Variants in NHSL1 observed in about 807,000 individuals in gnomAD.
NHSL1 encodes NHS like 1.
In NHSL1, 48 loss-of-function variants were observed where a neutral mutation model predicts 95.0. That is an observed-to-expected ratio of 0.51 (90% CI 0.40 to 0.64). The LOEUF is 0.64. NHSL1 is among the 30% of genes least tolerant of loss of function. The pLI is 0.00. For missense variants in NHSL1, 1,971 were observed against 2,077.7 expected (o/e 0.95, Z 1.00); for synonymous variants, 783 against 833.9 (o/e 0.94, Z 1.05).
chr6:138,668,091 G>C (rs1015573717), intron 1 of NHSL1, among the ~76,000 whole-genome samples: 2 of 152,108 alleles, frequency 1.3e-5, no homozygotes, highest in African/African-American at 4.8e-5. Flanking sequence ...AACCAGCATG[G>C]GCAGCCCCTC....
In NHSL1 at chr6:138,447,108, T is replaced by C; in HGVS notation, c.425A>G (p.Asn142Ser). Reference protein sequence around the residue: ...TPASSDFSDLNTQTNWTKSLP... With the variant: ...TPASSDFSDLSTQTNWTKSLP... Reference sequence around the variant, plus strand: ...CGACTTGGTCCAGTTCGTCTGAGTATTAAGGTCGGAGAAGTCACTTGAGGC... The same window carrying C: ...CGACTTGGTCCAGTTCGTCTGAGTACTAAGGTCGGAGAAGTCACTTGAGGC... The change falls in exon 4 of 8, where the codon AAT becomes AGT. Residue 142 changes from asparagine to serine, a missense_variant. Around this residue, in one of 3 missense-constraint regions of NHSL1, gnomAD observed 1,602 missense variants for 1,654.5 expected, o/e 0.97. Transcript: ENST00000343505. The C allele has an allele frequency of 1.3e-6, 2 of 1,551,794 alleles. No homozygotes were observed. The highest frequency in any genetic ancestry group is 1.7e-6 in the Non-Finnish European group (2 of 1,147,010).
rs759191204 is a variant in NHSL1, at chr6:138,636,488, A to C, written c.96+55988T>G. ...AAGAAGTCAAATTCTCCTTGTTTGCAGATTATAGAATCTTATATTCAGAAA... is the reference window on the plus strand; with the variant it reads ...AAGAAGTCAAATTCTCCTTGTTTGCCGATTATAGAATCTTATATTCAGAAA... On this transcript the variant is annotated intron_variant, in intron 1 of 3. Coordinates refer to the NHSL1 transcript ENST00000491526. 5.9e-5 allele frequency among the ~76,000 whole-genome samples: 9 copies of C among 152,336 alleles called. 1 individual carries two copies. The highest frequency in any genetic ancestry group is 3.4e-3 in the Middle Eastern group (1 of 294).
At chr6:138,453,642 G>A (rs1466254253) in intron 3 of NHSL1, among the ~76,000 whole-genome samples, 1 of 152,068 alleles carries the variant, frequency 6.6e-6, no homozygotes, top group African/African-American at 2.4e-5. Flanking sequence ...AAACTCCTGG[G>A]TTCAAGCGAT....
intron 1 of NHSL1, among the ~76,000 whole-genome samples, chr6:138,621,484 T>TC (rs397713762): frequency 6.6e-4 from 98 of 148,714 alleles, no homozygotes; most frequent in Middle Eastern, 3.5e-3. Context: ...TTTTTTTTTT[T>TC]CCCCCCAAGA....
rs1775157003 is a variant in NHSL1 at position 138,424,866 on chromosome 6, G to C, written c.4086-50C>G. 1 of 1,457,738 alleles carries C rather than the reference G, an allele frequency of 6.9e-7. No homozygotes were observed. The highest frequency in any genetic ancestry group is 2.1e-5 in the Admixed American group (1 of 47,410). The allele number at this position is 1,457,738 out of a possible 1,614,324, so 90.3% of individuals were successfully genotyped here. A position where few individuals can be genotyped will look rare whatever the true frequency, so the allele number is the denominator to read the frequency against. ...AAGGTTAATTCCCACGGGACCACAGGCTGTCAGCCACAACCACTCTGCTCT... is the reference window on the plus strand; with the variant it reads ...AAGGTTAATTCCCACGGGACCACAGCCTGTCAGCCACAACCACTCTGCTCT... On this transcript the variant is annotated intron_variant, in intron 7 of 7. Coordinates refer to ENST00000343505, the MANE Select transcript of NHSL1 (RefSeq NM_001144060.2). This position sits in a 1 kb window ranked among gnomAD's most constrained non-coding sequence, Gnocchi z 5.9.
In NHSL1 at chr6:138,437,375, C is replaced by CATAT. The variant is rs377602478; in HGVS notation, c.665-3699_665-3696dup. Among the ~76,000 whole-genome samples the CATAT allele has an allele frequency of 1.9e-4, 7 of 36,194 alleles. 1 individual carries two copies. Among genetic ancestry groups the CATAT allele is most frequent in the East Asian group, 1.4e-3 (1 of 736 alleles). The allele number at this position is 36,194 out of a possible 152,430, so 23.7% of individuals were successfully genotyped here. A position where few individuals can be genotyped will look rare whatever the true frequency, so the allele number is the denominator to read the frequency against. On this transcript the variant is annotated intron_variant, in intron 5 of 7. Coordinates refer to ENST00000343505, the MANE Select transcript of NHSL1 (RefSeq NM_001144060.2). The stretch of plus-strand genomic sequence containing the variant: ...ATATATACACATATATATATATACA[C>CATAT]ATATATATATACACATATATATATA...
Position 138,437,452 on chromosome 6 carries a change from A to C in NHSL1, c.665-3772T>G, listed in dbSNP as rs1170336025. Among the ~76,000 whole-genome samples the C allele has an allele frequency of 6.1e-3, 824 of 135,984 alleles. 43 individuals are homozygous for C. The highest frequency in any genetic ancestry group is 0.024 in the African/African-American group (778 of 31,814). 89.2% of individuals were successfully genotyped at this position (135,984 alleles called of 152,430 possible). A position where few individuals can be genotyped will look rare whatever the true frequency, so the allele number is the denominator to read the frequency against. ...CACACACACACACACACACAAAAAA[A>C]AAAAAAAAAAATACAATGCACCTAG... On this transcript the variant is annotated intron_variant, in intron 5 of 7. Transcript: ENST00000343505.
intron 1 of NHSL1, among the ~76,000 whole-genome samples, chr6:138,605,208 C>G (rs1784417387): frequency 1.3e-5 from 2 of 152,022 alleles, no homozygotes; most frequent in African/African-American, 4.8e-5. Flanking sequence ...CCATTTTTCG[C>G]ATGTACTCAT....
intron 1 of NHSL1, among the ~76,000 whole-genome samples, chr6:138,684,611 T>C (rs11154993): frequency 0.47 from 71,596 of 151,518 alleles, 18,531 homozygotes; most frequent in African/African-American, 0.67. Context: ...CGCCACTGCA[T>C]TCTAGCCTGG....
At chr6:138,490,982 T>C (rs1220275361) in intron 2 of NHSL1, among the ~76,000 whole-genome samples, 1 of 152,238 alleles carries the variant, frequency 6.6e-6, no homozygotes, top group Non-Finnish European at 1.5e-5. Flanking sequence ...CCATTGTTTT[T>C]AATCACTTGC....
intron 1 of NHSL1, among the ~76,000 whole-genome samples, chr6:138,507,647 AC>A (rs1781027553): frequency 6.6e-6 from 1 of 152,262 alleles, no homozygotes; most frequent in Non-Finnish European, 1.5e-5. Flanking sequence ...CAGAATGAAA[AC>A]AGGAATCTGA....
intron 1 of NHSL1, among the ~76,000 whole-genome samples, chr6:138,644,529 G>C (rs1297529154): frequency 1.3e-5 from 2 of 152,086 alleles, no homozygotes; most frequent in African/African-American, 4.8e-5. Flanking sequence ...AATTTCTTCT[G>C]AAGTATCACA....
chr6:138,461,761 T>C (rs1778011453), intron 3 of NHSL1, among the ~76,000 whole-genome samples: 2 of 152,078 alleles, frequency 1.3e-5, no homozygotes, highest in African/African-American at 4.8e-5. Flanking sequence ...AACAATGTGG[T>C]AGAAATTTGA....
intron 1 of NHSL1, among the ~76,000 whole-genome samples, chr6:138,578,444 T>A (rs913780811): frequency 6.6e-6 from 1 of 152,062 alleles, no homozygotes; most frequent in East Asian, 1.9e-4. Flanking sequence ...AAATGCAACA[T>A]CTGTACCAAC....
intron 1 of NHSL1, among the ~76,000 whole-genome samples, chr6:138,530,550 G>C (rs1782090597): frequency 6.6e-6 from 1 of 152,104 alleles, no homozygotes; most frequent in African/African-American, 2.4e-5. Context: ...CTGAAGAGTG[G>C]ATAAAGAAAA....
chr6:138,604,120 T>C (rs1784404263), intron 1 of NHSL1, among the ~76,000 whole-genome samples: 1 of 152,216 alleles, frequency 6.6e-6, no homozygotes, highest in African/African-American at 2.4e-5. Flanking sequence ...AGAGCTAACA[T>C]GGATCAACTT....
At chr6:138,461,946 A>AC (rs1187302782) in intron 3 of NHSL1, among the ~76,000 whole-genome samples, 1 of 152,216 alleles carries the variant, frequency 6.6e-6, no homozygotes, top group African/African-American at 2.4e-5. Context: ...CTGGAAAAAT[A>AC]CTGAGTGCCT....
intron 1 of NHSL1, among the ~76,000 whole-genome samples, chr6:138,505,756 T>A (rs575018138): frequency 6.6e-6 from 1 of 151,870 alleles, no homozygotes; most frequent in East Asian, 1.9e-4. Flanking sequence ...TCAGACATAA[T>A]AGAGTTCTGC....
intron 1 of NHSL1, among the ~76,000 whole-genome samples, chr6:138,633,260 C>A (rs1354256347): frequency 6.6e-6 from 1 of 152,112 alleles, no homozygotes; most frequent in Non-Finnish European, 1.5e-5. Context: ...GAGAAAGAGA[C>A]AGGGGCAGAA....
Sources: allele counts gnomAD v4.1 joint callset (sites outside exome capture counted in the v4.1 genomes callset), GRCh38; gene constraint gnomAD v4.1.1; regional missense constraint gnomAD v4.1.1; non-coding constraint Gnocchi (gnomAD v3.1); transcripts MANE v1.5; gene names NCBI Gene and HGNC (gene_info 2026-07-23, HGNC 2026-07-21).